Variants in UNC5C observed in about 807,000 individuals in gnomAD.
The protein encoded by UNC5C is unc-5 netrin receptor C.
UNC5C carries 47 observed loss-of-function variants against 99.8 expected under a neutral mutation model. The observed-to-expected ratio is 0.47, with a 90% confidence interval of 0.37 to 0.60. The LOEUF is 0.60. Ranked by LOEUF, UNC5C falls within the 20% of genes least tolerant of loss-of-function variation. The pLI is 0.00. For missense variants in UNC5C, 1,062 were observed against 1,165.9 expected (o/e 0.91, Z 1.30); for synonymous variants, 487 against 452.2 (o/e 1.08, Z -0.98).
chr4:95,406,723 A>G (rs1560821644), intron 1 of UNC5C, among the ~76,000 whole-genome samples: 1 of 152,208 alleles, frequency 6.6e-6, no homozygotes, highest in Non-Finnish European at 1.5e-5. Flanking sequence ...TTTATAGAGC[A>G]AATCAAAGAC....
rs1383893467 is a variant in UNC5C at position 95,167,706 on chromosome 4, G to C, written c.*1528C>G. On this transcript the variant is annotated 3_prime_UTR_variant, in exon 16 of 16. Transcript: ENST00000453304. ...ACAGCATAATGCAATGATGCAGAGCGACTCAGGCCAAACAAACAACATCAT... is the reference window on the plus strand; with the variant it reads ...ACAGCATAATGCAATGATGCAGAGCCACTCAGGCCAAACAAACAACATCAT... 6.6e-6 allele frequency: 1 copy of C among 152,194 alleles called. No individual in the cohort carries two copies. Among genetic ancestry groups the C allele is most frequent in the African/African-American group, 2.4e-5 (1 of 41,456 alleles). 9.4% of individuals were successfully genotyped at this position (152,194 alleles called of 1,614,324 possible).
At chr4:95,350,430 T>C (rs1174012529) in intron 1 of UNC5C, among the ~76,000 whole-genome samples, 2 of 151,870 alleles carry the variant, frequency 1.3e-5, no homozygotes, top group African/African-American at 4.8e-5. Context: ...GAGGTTGTAG[T>C]GAGCTGAGAT....
chr4:95,440,111 C>T (rs1746905902), intron 1 of UNC5C, among the ~76,000 whole-genome samples: 1 of 152,150 alleles, frequency 6.6e-6, no homozygotes, highest in Admixed American at 6.5e-5. Flanking sequence ...AATGCAGCGA[C>T]CCTCAGATAC....
intron 3 of UNC5C, among the ~76,000 whole-genome samples, chr4:95,295,094 C>T (rs941385606): frequency 6.6e-6 from 1 of 152,154 alleles, no homozygotes; most frequent in Non-Finnish European, 1.5e-5. Context: ...ACAATGGTAA[C>T]ATCAAGAGCG....
At chr4:95,184,912 A>T (rs1370361538) in intron 13 of UNC5C, 135 bp downstream of exon 13, 2 of 1,025,704 alleles carry the variant, frequency 1.9e-6, no homozygotes, top group African/African-American at 3.3e-5. Context: ...AATCCTAAAT[A>T]ACCCCAAACT....
intron 1 of UNC5C, among the ~76,000 whole-genome samples, chr4:95,392,926 G>A (rs925262273): frequency 9.9e-5 from 15 of 152,270 alleles, no homozygotes; most frequent in Middle Eastern, 6.8e-3. Context: ...TTATCTAAAA[G>A]TAAAAGTCTC....
At chr4:95,285,499 TACTC>T (rs1181506925) in intron 3 of UNC5C, among the ~76,000 whole-genome samples, 3 of 152,230 alleles carry the variant, frequency 2.0e-5, no homozygotes. Flanking sequence ...CATTTATTAT[TACTC>T]AGAGAGTTCT....
intron 1 of UNC5C, among the ~76,000 whole-genome samples, chr4:95,350,485 CAA>C (rs5860400): frequency 2.0e-4 from 29 of 147,886 alleles, no homozygotes; most frequent in African/African-American, 3.5e-4. Context: ...GACTCCGTCT[CAA>C]AAAAAAAAAA....
intron 2 of UNC5C, among the ~76,000 whole-genome samples, chr4:95,305,723 G>A (rs1360869925): frequency 6.6e-6 from 1 of 152,188 alleles, no homozygotes; most frequent in Non-Finnish European, 1.5e-5. Flanking sequence ...ATTTGTTGTA[G>A]TTTGGGAGCC....
chr4:95,360,598 A>G (rs1019078933), intron 1 of UNC5C, among the ~76,000 whole-genome samples: 1 of 152,186 alleles, frequency 6.6e-6, no homozygotes, highest in Non-Finnish European at 1.5e-5. Flanking sequence ...CTTAAATTGC[A>G]TTTTATCCAT....
chr4:95,424,411 A>G (rs1264833454), intron 1 of UNC5C, among the ~76,000 whole-genome samples: 1 of 151,698 alleles, frequency 6.6e-6, no homozygotes, highest in African/African-American at 2.4e-5. Context: ...TGACGGCTTC[A>G]TATATATTGA....
intron 12 of UNC5C, among the ~76,000 whole-genome samples, chr4:95,192,214 T>TTACTCGCCCTCCTC (rs1737152581): frequency 1.5e-5 from 2 of 131,978 alleles, no homozygotes; most frequent in Non-Finnish European, 3.2e-5. Flanking sequence ...CTCACCTCTT[T>TTACTCGCCCTCCTC]TGCTCGCCCT....
chr4:95,434,326 C>T (rs1433177065), intron 1 of UNC5C, among the ~76,000 whole-genome samples: 1 of 152,086 alleles, frequency 6.6e-6, no homozygotes, highest in Non-Finnish European at 1.5e-5. Flanking sequence ...ACAGTAAGGT[C>T]TGAGATCCAA....
rs1292554024 is a variant in UNC5C, at chr4:95,220,093, C to T, written c.1192G>A (p.Ala398Thr). 1.2e-6 allele frequency: 2 copies of T among 1,614,094 alleles called. No homozygotes were observed. The highest frequency in any genetic ancestry group is 2.2e-5 in the East Asian group (1 of 44,876). Residue 398 changes from alanine to threonine, a missense_variant, in exon 8 of 16, where the codon GCC (alanine) becomes ACC (threonine). Ala to Thr is a moderately conservative substitution (Grantham distance 58, BLOSUM62 0). Transcript: ENST00000453304. ...IVCLAISVVV[A>T]LFVYRKNHRD... ...TGATTCTTCCGATACACAAACAAGG[C>T]CACAACTACAGAGATCGCCAGGCAA...
chr4:95,445,334 C>CTTTTTTT (rs11458322), intron 1 of UNC5C, among the ~76,000 whole-genome samples: 1 of 149,786 alleles, frequency 6.7e-6, no homozygotes. Context: ...AGAAATGAAT[C>CTTTTTTT]TTTTTTTTTT....
At chr4:95,530,152 T>C (rs1032859860) in intron 1 of UNC5C, among the ~76,000 whole-genome samples, 15 of 152,198 alleles carry the variant, frequency 9.9e-5, no homozygotes, top group Non-Finnish European at 1.9e-4. Flanking sequence ...CAGAATAAAT[T>C]TTCTGTCTTG....
At chr4:95,512,806 A>G (rs1201355232) in intron 1 of UNC5C, among the ~76,000 whole-genome samples, 3 of 152,096 alleles carry the variant, frequency 2.0e-5, no homozygotes, top group Non-Finnish European at 4.4e-5. Flanking sequence ...TAATTTTTTT[A>G]TTTTTAAAAG....
chr4:95,180,574 C>G (rs1736572965), intron 14 of UNC5C, among the ~76,000 whole-genome samples: 1 of 152,224 alleles, frequency 6.6e-6, no homozygotes, highest in African/African-American at 2.4e-5. Context: ...GAATCCCTGG[C>G]TAAATCACCC....
At chr4:95,341,186 T>C (rs1468341340) in intron 1 of UNC5C, among the ~76,000 whole-genome samples, 1 of 151,022 alleles carries the variant, frequency 6.6e-6, no homozygotes, top group Non-Finnish European at 1.5e-5. Flanking sequence ...AATACATATG[T>C]ACGAAGATGT....
Sources: gnomAD v4.1 joint callset for allele counts (sites outside exome capture counted in the v4.1 genomes callset) on GRCh38, gnomAD v4.1.1 for gene constraint, MANE v1.5 for transcripts, NCBI Gene and HGNC (gene_info 2026-07-23, HGNC 2026-07-21) for gene names.